The following SYNE2 variants were observed in gnomAD, a reference collection of about 807,000 sequenced individuals.
The protein encoded by SYNE2 is spectrin repeat containing nuclear envelope protein 2.
Under a neutral mutation model 856.3 loss-of-function variants are expected in SYNE2, and 431 were observed. That is an observed-to-expected ratio of 0.50 (90% confidence interval 0.47 to 0.55). SYNE2 has a LOEUF of 0.55. Ranked by LOEUF, SYNE2 falls within the 20% of genes least tolerant of loss-of-function variation. SYNE2 has a pLI of 0.00. For missense variants in SYNE2, 8,129 were observed against 8,023.2 expected, an observed-to-expected ratio of 1.01 and a Z score of -0.50; for synonymous variants, 2,923 against 2,872.3, an observed-to-expected ratio of 1.02 and a Z score of -0.56.
Position 64,052,034 on chromosome 14 carries a change from T to A in SYNE2, c.8121T>A (p.Asn2707Lys). 6.2e-7 allele frequency: 1 copy of A among 1,613,720 alleles called. No homozygotes were observed. Among genetic ancestry groups the A allele is most frequent in the Non-Finnish European group, 8.5e-7 (1 of 1,179,960 alleles). ...AGAAGAATTTGGAGGATGGAATAAATAACTTGAAGAAACAATGGGAAACAT... is the reference window on the plus strand; with the variant it reads ...AGAAGAATTTGGAGGATGGAATAAAAAACTTGAAGAAACAATGGGAAACAT... ...KEKKNLEDGI[N>K]NLKKQWETLE... Residue 2707 changes from asparagine (N) to lysine (K), a missense_variant, in exon 48 of 116, where the codon AAT becomes AAA. Physicochemically the swap from Asn to Lys is moderately conservative, Grantham distance 94. Coordinates refer to ENST00000555002, the MANE Select transcript of SYNE2 (RefSeq NM_182914.3).
At position 64,113,334 on chromosome 14, in the gene SYNE2, C is replaced by A. The variant is rs2097827532; in HGVS notation, c.12610-7C>A. On this transcript the variant is annotated splice_region_variant and splice_polypyrimidine_tract_variant and intron_variant, in intron 65 of 115. Transcript: ENST00000555002. ...GACTCCCTGGCTTATCTTTGGATTTCTCTTAGGGCACCACACCTCCTATTG... is the reference window on the plus strand; with the variant it reads ...GACTCCCTGGCTTATCTTTGGATTTATCTTAGGGCACCACACCTCCTATTG... The A allele has an allele frequency of 6.2e-7, 1 of 1,613,590 alleles. No homozygotes were observed. Among genetic ancestry groups the A allele is most frequent in the Non-Finnish European group, 8.5e-7 (1 of 1,180,024 alleles).
At chr14:63,948,821 T>TATAC (rs2096097439) in intron 6 of SYNE2, among the ~76,000 whole-genome samples, 3 of 135,730 alleles carry the variant, frequency 2.2e-5, no homozygotes, top group Non-Finnish European at 4.7e-5. Context: ...TATATATATA[T>TATAC]ATGTAGCTTA....
intron 1 of SYNE2, among the ~76,000 whole-genome samples, chr14:63,815,051 T>C (rs185252942): frequency 2.0e-3 from 280 of 143,504 alleles, no homozygotes; most frequent in Non-Finnish European, 3.5e-3. Flanking sequence ...CACATATATA[T>C]ATCCATATAT....
At chr14:63,932,554 G>A (rs930969808) in intron 2 of SYNE2, among the ~76,000 whole-genome samples, 9 of 151,832 alleles carry the variant, frequency 5.9e-5, no homozygotes, top group African/African-American at 1.5e-4. Context: ...AAAAAAATAC[G>A]AAAATTAGGT....
In SYNE2 at chr14:64,188,642, G is replaced by T; in HGVS notation, c.17805G>T (p.Gln5935His). The change falls in exon 98 of 116, where the codon CAG (glutamine) becomes CAT (histidine). Residue 5935 changes from glutamine (Q) to histidine (H), a missense_variant. Gln to His is a conservative substitution (Grantham distance 24). This residue lies in a region of SYNE2 where 5,410 missense variants were observed against 5,284.8 expected (regional missense o/e 1.02). Coordinates refer to ENST00000555002, the MANE Select transcript of SYNE2 (RefSeq NM_182914.3). Reference sequence around the variant, plus strand: ...AAGAGTTGTGTGCCTGGCTGGTGCAGATGGAAAACAAAGTTCTACAGACAG... The same window carrying T: ...AAGAGTTGTGTGCCTGGCTGGTGCATATGGAAAACAAAGTTCTACAGACAG... ...KNKELCAWLV[Q>H]MENKVLQTAD... is the part of the protein sequence containing the mutation. 1 of 1,614,214 alleles carries T rather than the reference G, an allele frequency of 6.2e-7. No individual in the cohort carries two copies. The highest frequency in any genetic ancestry group is 1.1e-5 in the South Asian group (1 of 91,086).
At chr14:64,023,179 G>T in intron 38 of SYNE2, 1 of 328,734 alleles carries the variant, frequency 3.0e-6, no homozygotes, top group African/African-American at 2.2e-5. Flanking sequence ...GGAGGAAGGT[G>T]TAGTGAGCTG....
At chr14:64,123,134 G>C (rs945077421) in intron 70 of SYNE2, among the ~76,000 whole-genome samples, 7 of 151,770 alleles carry the variant, frequency 4.6e-5, no homozygotes, top group Non-Finnish European at 5.9e-5. Context: ...ACTATACAGC[G>C]CTACAATGAG....
intron 99 of SYNE2, among the ~76,000 whole-genome samples, chr14:64,192,217 A>G (rs1447310731): frequency 6.6e-6 from 1 of 152,070 alleles, no homozygotes; most frequent in African/African-American, 2.4e-5. Context: ...TAAATGTTTC[A>G]GTGCATTCGT....
At chr14:63,787,534 C>T (rs747012416) in intron 1 of SYNE2, among the ~76,000 whole-genome samples, 13 of 152,142 alleles carry the variant, frequency 8.5e-5, no homozygotes, top group African/African-American at 1.9e-4. Context: ...GACAAGTGGA[C>T]GATGAGCAAG....
intron 11 of SYNE2, among the ~76,000 whole-genome samples, chr14:63,971,267 A>G (rs562994389): frequency 1.1e-4 from 16 of 151,694 alleles, no homozygotes; most frequent in South Asian, 6.2e-4. Flanking sequence ...ATGCATCACC[A>G]TGCACACTTA....
chr14:63,881,256 G>A (rs538867789), intron 1 of SYNE2, among the ~76,000 whole-genome samples: 14 of 152,128 alleles, frequency 9.2e-5, no homozygotes, highest in Non-Finnish European at 2.1e-4. Context: ...TGGGTTTGTA[G>A]GTGTGAGCCA....
At chr14:64,063,520 A>G (rs2097333677) in intron 50 of SYNE2, among the ~76,000 whole-genome samples, 1 of 152,218 alleles carries the variant, frequency 6.6e-6, no homozygotes, top group African/African-American at 2.4e-5. Flanking sequence ...CTGCTGGATC[A>G]GTGACAGAGC....
chr14:63,966,722 C>A (rs2096398165), intron 10 of SYNE2, among the ~76,000 whole-genome samples: 1 of 151,828 alleles, frequency 6.6e-6, no homozygotes. Flanking sequence ...CCATGCCTAG[C>A]TAATTTTTTG....
intron 64 of SYNE2, among the ~76,000 whole-genome samples, chr14:64,104,574 C>T (rs932640708): frequency 3.2e-4 from 48 of 151,762 alleles, no homozygotes; most frequent in African/African-American, 9.9e-4. Flanking sequence ...TTCAGCCTCC[C>T]GAGCAGCTGG....
intron 1 of SYNE2, among the ~76,000 whole-genome samples, chr14:63,895,959 C>T (rs760568058): frequency 1.4e-4 from 21 of 151,856 alleles, no homozygotes; most frequent in Non-Finnish European, 3.1e-4. Context: ...GTTTGAAGCA[C>T]TTTATAGAGA....
chr14:64,068,390 C>T (rs1038020473), intron 51 of SYNE2, among the ~76,000 whole-genome samples: 1 of 152,066 alleles, frequency 6.6e-6, no homozygotes, highest in African/African-American at 2.4e-5. Context: ...CAGTTTGTGG[C>T]CTTTTGAGTT....
intron 22 of SYNE2, among the ~76,000 whole-genome samples, 159 bp downstream of exon 22, chr14:63,994,128 C>T (rs992211299): frequency 2.6e-5 from 4 of 152,050 alleles, no homozygotes; most frequent in East Asian, 3.9e-4. Flanking sequence ...AGTTTCATAG[C>T]GGAATAGGTC....
At chr14:64,161,771 T>C (rs1205263736) in intron 87 of SYNE2, among the ~76,000 whole-genome samples, 1 of 151,750 alleles carries the variant, frequency 6.6e-6, no homozygotes, top group East Asian at 1.9e-4. Flanking sequence ...TTGAGCTCCC[T>C]TCATCACTCC....
intron 100 of SYNE2, chr14:64,208,149 A>G: frequency 2.2e-6 from 1 of 456,042 alleles, no homozygotes; most frequent in Non-Finnish European, 4.4e-6. Context: ...CCTCTCTCCA[A>G]GCCACCACAG....
Sources: allele counts gnomAD v4.1 joint callset (sites outside exome capture counted in the v4.1 genomes callset), GRCh38; gene constraint gnomAD v4.1.1; regional missense constraint gnomAD v4.1.1; transcripts MANE v1.5; gene names NCBI Gene and HGNC (gene_info 2026-07-23, HGNC 2026-07-21).